Variants in MFAP5 observed in about 807,000 individuals in gnomAD.
The protein encoded by MFAP5 is microfibril associated protein 5, also known as microfibrillar-associated protein 5.
A neutral mutation model predicts 30.1 loss-of-function variants in MFAP5; 19 were observed. The observed-to-expected ratio is 0.63, with a 90% CI of 0.44 to 0.93. The LOEUF (loss-of-function observed/expected upper bound fraction) is 0.93. Among genes scored for constraint, MFAP5 ranks in the 40% least tolerant of loss-of-function variants. The probability of loss-of-function intolerance (pLI) is 0.00; values close to 1 mark genes in which losing one functional copy is unlikely to be tolerated. For missense variants in MFAP5, 210 were observed against 221.3 expected, an observed-to-expected ratio of 0.95 and a Z score of 0.32; for synonymous variants, 92 against 72.9, an observed-to-expected ratio of 1.26 and a Z score of -1.33.
At chr12:8,651,399 C>A (rs1057492425) in intron 7 of MFAP5, among the ~76,000 whole-genome samples, 1 of 152,080 alleles carries the variant, frequency 6.6e-6, no homozygotes, top group Non-Finnish European at 1.5e-5. Flanking sequence ...AATCCACTAA[C>A]CACCACATAA....
At position 8,646,140 on chromosome 12, in the gene MFAP5, A is replaced by G. The variant is rs1591560570; in HGVS notation, c.*1951T>C. The stretch of plus-strand genomic sequence containing the variant: ...CTCTGTGCCTATGAGGTTTCTCTAA[A>G]GTGGCTAAAATATGCATTTAATATG... On this transcript the variant is annotated 3_prime_UTR_variant, in exon 10 of 10. Coordinates refer to ENST00000359478, the MANE Select transcript of MFAP5 (RefSeq NM_003480.4). The G allele has an allele frequency of 1.3e-5, 2 of 152,766 alleles. No individual in the cohort carries two copies. The highest frequency in any genetic ancestry group is 3.9e-4 in the East Asian group (2 of 5,194). The allele number at this position is 152,766 out of a possible 1,614,324, so 9.5% of individuals were successfully genotyped here. A position where few individuals can be genotyped will look rare whatever the true frequency, so the allele number is the denominator to read the frequency against.
At position 8,648,016 on chromosome 12, in the gene MFAP5, G is replaced by T; in HGVS notation, c.*75C>A. The T allele has an allele frequency of 8.8e-7, 1 of 1,134,726 alleles. No homozygotes were observed. The highest frequency in any genetic ancestry group is 1.3e-6 in the Non-Finnish European group (1 of 766,494). 70.3% of individuals were successfully genotyped at this position (1,134,726 alleles called of 1,614,324 possible). A position where few individuals can be genotyped will look rare whatever the true frequency, so the allele number is the denominator to read the frequency against. On this transcript the variant is annotated 3_prime_UTR_variant, in exon 10 of 10. Coordinates refer to ENST00000359478, the MANE Select transcript of MFAP5 (RefSeq NM_003480.4). The stretch of plus-strand genomic sequence containing the variant: ...AAGAAATACTGTCTAAGGGTTAGCT[G>T]TCAATGGTTGGAGAAGAAGGAGATC...
chr12:8,655,824 A>G lies in MFAP5; in HGVS notation c.101T>C (p.Val34Ala). ...LGVNSQRGDD[V>A]TQATPETFTE... is the part of the protein sequence containing the mutation. ...GAATGTTTCTGGAGTCGCTTGAGTC[A>G]CATCGTCTGAAAAGAAAATTAGAAA... The change falls in exon 4 of 10, where the codon GTG (valine) becomes GCG (alanine). Residue 34 changes from valine to alanine, a missense_variant. By Grantham distance (64) the Val-to-Ala change is moderately conservative. Transcript: ENST00000359478. 1 of 1,611,550 alleles carries G rather than the reference A, an allele frequency of 6.2e-7. No individual in the cohort carries two copies. Among genetic ancestry groups the G allele is most frequent in the Non-Finnish European group, 8.5e-7 (1 of 1,179,376 alleles).
chr12:8,658,915 C>T lies in MFAP5; in HGVS notation c.94+1948G>A, dbSNP rs567350354. 2.1e-3 allele frequency among the ~76,000 whole-genome samples: 322 copies of T among 151,710 alleles called. 1 individual carries two copies. The highest frequency in any genetic ancestry group is 7.5e-3 in the African/African-American group (311 of 41,348). The stretch of plus-strand genomic sequence containing the variant: ...TGCCATCATAGCTCCTTTGCAGCTT[C>T]GAACTCCTGGGCTCAAGCGATCCTT... On this transcript the variant is annotated intron_variant, in intron 3 of 9. Coordinates refer to ENST00000359478, the MANE Select transcript of MFAP5 (RefSeq NM_003480.4).
chr12:8,661,308 G>A (rs571607669), intron 2 of MFAP5, among the ~76,000 whole-genome samples: 6 of 152,116 alleles, frequency 3.9e-5, no homozygotes, highest in South Asian at 2.1e-4. Flanking sequence ...AATCTGTATC[G>A]GAAGAAGGAG....
chr12:8,656,215 A>C (rs1301420058), intron 3 of MFAP5, among the ~76,000 whole-genome samples: 29 of 148,024 alleles, frequency 2.0e-4, no homozygotes, highest in Middle Eastern at 3.6e-3. Flanking sequence ...CGCCCGCCAC[A>C]GCGCCCGGCT....
intron 6 of MFAP5, 90 bp downstream of exon 6, chr12:8,654,347 A>T (rs1941923452): frequency 7.8e-7 from 1 of 1,285,876 alleles, no homozygotes; most frequent in African/African-American, 1.5e-5. Flanking sequence ...TCTTTTTAGG[A>T]TCCTTCAGCA....
Position 8,649,567 on chromosome 12 carries a change from G to T in MFAP5, c.343C>A (p.Arg115Ser). ...ATCTCCTTGTTGACGATGTACATAC[G>T]TCGTAAACTGCAGACGTCCCAGTGT... ...IHQLCFTSLR[R>S]MYIVNKEICS... Residue 115 changes from arginine to serine, a missense_variant, in exon 9 of 10, where the codon CGT (arginine) becomes AGT (serine). Physicochemically the swap from Arg to Ser is moderately radical, Grantham distance 110. Transcript: ENST00000359478. 6.2e-7 allele frequency: 1 copy of T among 1,613,542 alleles called. No homozygotes were observed. Among genetic ancestry groups the T allele is most frequent in the Non-Finnish European group, 8.5e-7 (1 of 1,179,672 alleles).
intron 8 of MFAP5, among the ~76,000 whole-genome samples, chr12:8,649,942 T>C (rs1190132084): frequency 1.3e-5 from 2 of 152,172 alleles, no homozygotes; most frequent in African/African-American, 4.8e-5. Flanking sequence ...TCCCACTCTT[T>C]CCCCTGAGTC....
At chr12:8,650,701 T>G in intron 7 of MFAP5, 112 bp from the exon 8 acceptor site, 1 of 849,812 alleles carries the variant, frequency 1.2e-6, no homozygotes, top group Non-Finnish European at 1.9e-6. Flanking sequence ...CAGAGTAATC[T>G]CTACAGAGAA....
At position 8,648,136 on chromosome 12, in the gene MFAP5, A is replaced by G; in HGVS notation, c.477T>C (p.Leu159=). Residue 159 remains leucine, a synonymous_variant, in exon 10 of 10, where the codon CTT becomes CTC. Transcript: ENST00000359478. ...GCAAATCCACATTTTCACAGGGAGG[A>G]AGTCGGAAGTAATTGGAGCGACGGA... ...RRLRRSNYFR[L]PPCENVDLQR... is the part of the protein sequence containing the mutation. 6.2e-7 allele frequency: 1 copy of G among 1,613,996 alleles called. No individual in the cohort carries two copies. The highest frequency in any genetic ancestry group is 8.5e-7 in the Non-Finnish European group (1 of 1,179,940).
chr12:8,651,561 G>GTAA (rs1941839281), intron 7 of MFAP5, 101 bp downstream of exon 7: 1 of 1,190,800 alleles, frequency 8.4e-7, no homozygotes, highest in Non-Finnish European at 1.2e-6. Flanking sequence ...ATAATTGGAA[G>GTAA]TAAACTAGAA....
intron 3 of MFAP5, 145 bp from the exon 4 acceptor site, chr12:8,655,975 C>CA (rs539972694): frequency 5.9e-6 from 4 of 674,874 alleles, no homozygotes; most frequent in Non-Finnish European, 1.0e-5. Flanking sequence ...ACAATAATGA[C>CA]AAACGATTGA....
chr12:8,656,573 A>AACATATATATATATATATATATATATAT (rs1248213357), intron 3 of MFAP5, among the ~76,000 whole-genome samples: 1 of 128,542 alleles, frequency 7.8e-6, no homozygotes, highest in African/African-American at 3.3e-5. Flanking sequence ...ATGCCTGGCT[A>AACATATATATATATATATATATATATAT]ATATATATAT....
At chr12:8,654,527 A>G in intron 5 of MFAP5, 46 bp from the exon 6 acceptor site, 1 of 1,551,240 alleles carries the variant, frequency 6.4e-7, no homozygotes, top group Non-Finnish European at 8.8e-7. Context: ...TTCAAATTGC[A>G]AACACAAGGC....
intron 2 of MFAP5, among the ~76,000 whole-genome samples, chr12:8,661,336 G>A (rs764359321): frequency 6.6e-5 from 10 of 152,076 alleles, no homozygotes; most frequent in Non-Finnish European, 1.0e-4. Flanking sequence ...AATAGAGTAG[G>A]ACATCTTTAC....
In MFAP5 at chr12:8,660,856, C is replaced by T; in HGVS notation, c.94+7G>A. The T allele has an allele frequency of 1.2e-6, 2 of 1,610,094 alleles. No homozygotes were observed. Among genetic ancestry groups the T allele is most frequent in the Admixed American group, 1.7e-5 (1 of 59,816 alleles). On this transcript the variant is annotated splice_region_variant and intron_variant, in intron 3 of 9. Coordinates refer to ENST00000359478, the MANE Select transcript of MFAP5 (RefSeq NM_003480.4). ...CCAACAGAGCCGCTATCCAAGGGTT[C>T]ACCTACCTCCTCGTTGACTATTGAC...
At chr12:8,650,005 C>T (rs945918660) in intron 8 of MFAP5, among the ~76,000 whole-genome samples, 3 of 152,126 alleles carry the variant, frequency 2.0e-5, no homozygotes, top group African/African-American at 7.2e-5. Context: ...AGCTTAGCTC[C>T]CACTTATAAG....
At chr12:8,648,337 C>G in intron 9 of MFAP5, 134 bp from the exon 10 acceptor site, 1 of 908,762 alleles carries the variant, frequency 1.1e-6, no homozygotes, top group Non-Finnish European at 1.6e-6. Flanking sequence ...TTTTAACCAG[C>G]TCTGCCACTT....
Sources: gnomAD v4.1 joint callset for allele counts (sites outside exome capture counted in the v4.1 genomes callset) on GRCh38, gnomAD v4.1.1 for gene constraint, MANE v1.5 for transcripts, NCBI Gene and HGNC (gene_info 2026-07-23, HGNC 2026-07-21) for gene names.